CTNNA3: variants seen among roughly 807,000 people sequenced by gnomAD.
The protein encoded by CTNNA3 is catenin alpha 3.
Under a neutral mutation model 95.7 loss-of-function variants are expected in CTNNA3, and 76 were observed. That is an observed-to-expected ratio of 0.79 (90% confidence interval 0.66 to 0.96). The LOEUF is 0.96. Among genes scored for constraint, CTNNA3 ranks in the 40% least tolerant of loss-of-function variants. The pLI, the probability that CTNNA3 is intolerant of heterozygous loss-of-function variation, is 0.00. For missense variants in CTNNA3, 1,191 were observed against 1,089.8 expected, an observed-to-expected ratio of 1.09 and a Z score of -1.31; for synonymous variants, 431 against 374.4, an observed-to-expected ratio of 1.15 and a Z score of -1.74.
At chr10:67,321,240 A>G (rs1033054664) in intron 5 of CTNNA3, among the ~76,000 whole-genome samples, 30 of 152,234 alleles carry the variant, frequency 2.0e-4, no homozygotes, top group African/African-American at 7.0e-4. Context: ...AGTGCAATCA[A>G]GAATTAATTT....
At chr10:66,254,021 T>C (rs7093662) in intron 13 of CTNNA3, among the ~76,000 whole-genome samples, 10,654 of 152,230 alleles carry the variant, frequency 0.07, 687 homozygotes, top group African/African-American at 0.17. Context: ...AAAGTGCTCA[T>C]CTTGGAAGAG....
At chr10:67,443,177 T>G (rs1846597059) in intron 5 of CTNNA3, among the ~76,000 whole-genome samples, 1 of 150,970 alleles carries the variant, frequency 6.6e-6, no homozygotes, top group Admixed American at 6.6e-5. Flanking sequence ...TGCCACATTT[T>G]CTTAATCCAG....
chr10:67,670,110 G>A (rs1464395275), intron 1 of CTNNA3, among the ~76,000 whole-genome samples: 2 of 152,182 alleles, frequency 1.3e-5, no homozygotes, highest in Non-Finnish European at 2.9e-5. Flanking sequence ...AGAAACCTCT[G>A]TGTCTTGTTC....
chr10:66,497,591 T>C (rs1840140465), intron 11 of CTNNA3, among the ~76,000 whole-genome samples: 1 of 152,040 alleles, frequency 6.6e-6, no homozygotes, highest in Non-Finnish European at 1.5e-5. Flanking sequence ...CAAACATGAT[T>C]AGAAAAGAGC....
chr10:66,920,997 T>A (rs1048455518), intron 7 of CTNNA3, among the ~76,000 whole-genome samples: 2 of 152,204 alleles, frequency 1.3e-5, no homozygotes, highest in African/African-American at 2.4e-5. Flanking sequence ...CTAAGAGTGA[T>A]CATCTCAGTC....
At chr10:66,770,859 T>G (rs1840061696) in intron 8 of CTNNA3, among the ~76,000 whole-genome samples, 1 of 151,922 alleles carries the variant, frequency 6.6e-6, no homozygotes, top group South Asian at 2.1e-4. Context: ...AAATTAACAG[T>G]ATTTAAATTT....
At chr10:66,874,636 A>AT (rs1460208145) in intron 7 of CTNNA3, among the ~76,000 whole-genome samples, 2 of 152,220 alleles carry the variant, frequency 1.3e-5, no homozygotes, top group Non-Finnish European at 2.9e-5. Context: ...TCTGTTTAGA[A>AT]TTTAAAGAAT....
At chr10:65,948,205 CG>C (rs1179618344) in intron 17 of CTNNA3, among the ~76,000 whole-genome samples, 8 of 147,302 alleles carry the variant, frequency 5.4e-5, no homozygotes, top group African/African-American at 2.0e-4. Flanking sequence ...GGCATGACCC[CG>C]GGAGGCGGAG....
intron 7 of CTNNA3, among the ~76,000 whole-genome samples, chr10:67,129,799 A>C (rs925059656): frequency 6.6e-6 from 1 of 152,172 alleles, no homozygotes; most frequent in African/African-American, 2.4e-5. Flanking sequence ...AACATTTAGC[A>C]AACATCCACT....
intron 7 of CTNNA3, among the ~76,000 whole-genome samples, chr10:66,987,080 G>A (rs1463740931): frequency 6.6e-6 from 1 of 152,130 alleles, no homozygotes; most frequent in East Asian, 1.9e-4. Context: ...CAAAAGTCCC[G>A]ACGTGAAGTC....
At chr10:67,695,179 T>C (rs1244985821) in intron 1 of CTNNA3, among the ~76,000 whole-genome samples, 1 of 152,198 alleles carries the variant, frequency 6.6e-6, no homozygotes, top group Non-Finnish European at 1.5e-5. Flanking sequence ...CTTTTTCCAC[T>C]TTGTTTTAAG....
intron 13 of CTNNA3, among the ~76,000 whole-genome samples, chr10:66,153,946 G>A (rs2084343256): frequency 6.6e-6 from 1 of 151,412 alleles, no homozygotes; most frequent in South Asian, 2.1e-4. Flanking sequence ...TTGGCGGGCT[G>A]GACCATTTGA....
intron 7 of CTNNA3, among the ~76,000 whole-genome samples, chr10:66,824,806 A>T (rs1428327221): frequency 6.6e-6 from 1 of 152,158 alleles, no homozygotes; most frequent in Non-Finnish European, 1.5e-5. Context: ...ACCTAAGGAG[A>T]CGTGGTGACT....
At chr10:66,305,511 C>T (rs2091920680) in intron 12 of CTNNA3, among the ~76,000 whole-genome samples, 1 of 152,100 alleles carries the variant, frequency 6.6e-6, no homozygotes, top group Non-Finnish European at 1.5e-5. Context: ...ATTCAAAATC[C>T]CCTTAAGCAA....
intron 5 of CTNNA3, among the ~76,000 whole-genome samples, chr10:67,253,216 G>C (rs922284672): frequency 6.6e-6 from 1 of 152,068 alleles, no homozygotes; most frequent in South Asian, 2.1e-4. Context: ...AGTGACTAAC[G>C]GGCAAGTAGT....
chr10:66,926,562 C>T (rs979351640), intron 7 of CTNNA3: 2 of 1,613,688 alleles, frequency 1.2e-6, no homozygotes, highest in Non-Finnish European at 1.7e-6. Context: ...GACCTAAGGA[C>T]GACCTTTGAA....
In CTNNA3 at chr10:66,708,072, T is replaced by C. The variant is rs529078550; in HGVS notation, c.1281+58192A>G. Among the ~76,000 whole-genome samples, 8 of 152,222 alleles carry C rather than the reference T, an allele frequency of 5.3e-5. No individual in the cohort carries two copies. The South Asian group carries it at 1.7e-3, about 32-fold the overall frequency. On this transcript the variant is annotated intron_variant, in intron 9 of 17. Coordinates refer to ENST00000433211, the MANE Select transcript of CTNNA3 (RefSeq NM_013266.4). ...CTATAAAACGTACAAATAAACTTTA[T>C]AGAAATGGGAAAATCCCAAGCATGT... is the stretch of plus-strand genomic sequence containing the variant.
rs923837897 is a variant in CTNNA3, at chr10:67,755,898, G to A, written c.-2+7536C>T. On this transcript the variant is annotated intron_variant, in intron 1 of 17. Coordinates refer to the CTNNA3 transcript ENST00000684154. Reference sequence around the variant, plus strand: ...CCATGTTTATCAAAGCACTATTCACGATAGCCAAAATATGGAATTGATCTA... The same window carrying A: ...CCATGTTTATCAAAGCACTATTCACAATAGCCAAAATATGGAATTGATCTA... Among the ~76,000 whole-genome samples, 9 of 151,360 alleles carry A rather than the reference G, an allele frequency of 5.9e-5. No homozygotes were observed. The South Asian group carries it at 8.4e-4, about 14-fold the overall frequency.
intron 13 of CTNNA3, among the ~76,000 whole-genome samples, chr10:66,116,293 T>A (rs989885152): frequency 6.6e-6 from 1 of 152,132 alleles, no homozygotes; most frequent in African/African-American, 2.4e-5. Context: ...TGTGGAGAAT[T>A]GTTTTTTTTA....
Sources: allele counts gnomAD v4.1 joint callset (sites outside exome capture counted in the v4.1 genomes callset), GRCh38; gene constraint gnomAD v4.1.1; transcripts MANE v1.5; gene names NCBI Gene and HGNC (gene_info 2026-07-23, HGNC 2026-07-21).